SLC7A2: variants seen among roughly 807,000 people sequenced by gnomAD.
The protein encoded by SLC7A2 is solute carrier family 7 member 2.
In SLC7A2, 48 loss-of-function variants were observed where a neutral mutation model predicts 58.9. The ratio of observed to expected loss-of-function variants is 0.82; its 90% CI spans 0.65 to 1.04. The LOEUF is 1.04. Ranked by LOEUF, SLC7A2 falls within the 50% of genes least tolerant of loss-of-function variation. The pLI is 0.00. For missense variants in SLC7A2, 1,029 were observed against 818.8 expected (o/e 1.26, Z -3.13); for synonymous variants, 363 against 314.5 (o/e 1.15, Z -1.63).
chr8:17,547,068 G>T (rs1222967346), intron 4 of SLC7A2, among the ~76,000 whole-genome samples: 1 of 151,938 alleles, frequency 6.6e-6, no homozygotes, highest in African/African-American at 2.4e-5. Context: ...AGAGCTTATG[G>T]CATTAATATA....
At chr8:17,532,803 C>G (rs1397287741) in intron 2 of SLC7A2, among the ~76,000 whole-genome samples, 2 of 152,168 alleles carry the variant, frequency 1.3e-5, no homozygotes, top group Non-Finnish European at 2.9e-5. Flanking sequence ...GCCCTGCAAT[C>G]TAAGCAAAAA....
intron 2 of SLC7A2, among the ~76,000 whole-genome samples, chr8:17,528,366 G>A (rs1186232256): frequency 6.6e-6 from 1 of 152,102 alleles, no homozygotes; most frequent in African/African-American, 2.4e-5. Context: ...GTTTTTCGGT[G>A]TGGCCATTAC....
chr8:17,557,571 C>T (rs953419009), intron 8 of SLC7A2, among the ~76,000 whole-genome samples: 7 of 152,154 alleles, frequency 4.6e-5, no homozygotes, highest in African/African-American at 1.4e-4. Context: ...TGACTCACAC[C>T]TGTAATCCCA....
Position 17,538,850 on chromosome 8 carries a change from A to G in SLC7A2, c.-22-4468A>G, listed in dbSNP as rs745712876. 4 of 1,613,574 alleles carry G rather than the reference A, an allele frequency of 2.5e-6. No individual in the cohort carries two copies. The South Asian group carries it at 4.4e-5, about 18-fold the overall frequency. Reference sequence around the variant, plus strand: ...ATGAAGATAGAAACAAGTGGTTATAACTCAGACAAACTAATTTGTCGAGGG... The same window carrying G: ...ATGAAGATAGAAACAAGTGGTTATAGCTCAGACAAACTAATTTGTCGAGGG... On this transcript the variant is annotated intron_variant, in intron 2 of 12. Coordinates refer to ENST00000494857, the MANE Select transcript of SLC7A2 (RefSeq NM_001370338.1).
At chr8:17,503,338 C>A (rs939358807) in intron 2 of SLC7A2, among the ~76,000 whole-genome samples, 1 of 152,150 alleles carries the variant, frequency 6.6e-6, no homozygotes, top group African/African-American at 2.4e-5. Context: ...GTGTGAGCCA[C>A]CGCGCCCGGC....
At chr8:17,528,146 G>T (rs1165989889) in intron 2 of SLC7A2, among the ~76,000 whole-genome samples, 3 of 152,132 alleles carry the variant, frequency 2.0e-5, no homozygotes, top group Non-Finnish European at 2.9e-5. Flanking sequence ...AGTGGAGGAG[G>T]AGGAAGCAGA....
At chr8:17,520,399 G>C (rs1800966668) in intron 2 of SLC7A2, among the ~76,000 whole-genome samples, 1 of 151,942 alleles carries the variant, frequency 6.6e-6, no homozygotes. Context: ...TCAGCACTTT[G>C]GGAGGCCGAG....
intron 2 of SLC7A2, among the ~76,000 whole-genome samples, chr8:17,521,015 T>G (rs1261437374): frequency 6.6e-6 from 1 of 152,164 alleles, no homozygotes; most frequent in Non-Finnish European, 1.5e-5. Context: ...TGAGATTTCC[T>G]TTAGAAAGAA....
chr8:17,558,949 A>C, intron 9 of SLC7A2, among the ~76,000 whole-genome samples: 1 of 152,180 alleles, frequency 6.6e-6, no homozygotes, highest in East Asian at 1.9e-4. Flanking sequence ...TTAAATAATA[A>C]ATTTTCATGA....
In SLC7A2 at chr8:17,561,800, A is replaced by G. The variant is rs995683886; in HGVS notation, c.1505-144A>G. 4.0e-5 allele frequency: 29 copies of G among 720,140 alleles called. No individual in the cohort carries two copies. The African/African-American group carries it at 4.6e-4, about 11-fold the overall frequency. The allele number at this position is 720,140 out of a possible 1,614,324, so 44.6% of individuals were successfully genotyped here. The stretch of plus-strand genomic sequence containing the variant: ...ACATCTCTCTCCTCAATGAAAAAGA[A>G]GAAAGGGCAAGGCGAAGACTCTTTG... On this transcript the variant is annotated intron_variant, in intron 10 of 12. Coordinates refer to ENST00000494857, the MANE Select transcript of SLC7A2 (RefSeq NM_001370338.1).
At chr8:17,498,090 T>G (rs1800022464) in intron 1 of SLC7A2, among the ~76,000 whole-genome samples, 1 of 152,186 alleles carries the variant, frequency 6.6e-6, no homozygotes, top group Non-Finnish European at 1.5e-5. Flanking sequence ...TGCCTGGATT[T>G]CAAGAGAAAA....
At chr8:17,508,025 T>A (rs1290836383) in intron 2 of SLC7A2, among the ~76,000 whole-genome samples, 1 of 152,218 alleles carries the variant, frequency 6.6e-6, no homozygotes, top group East Asian at 1.9e-4. Flanking sequence ...GTCATTAGGG[T>A]TTCAACCTCA....
At position 17,567,162 on chromosome 8, in the gene SLC7A2, A is replaced by G. The variant is rs1803302841; in HGVS notation, c.*2016A>G. On this transcript the variant is annotated 3_prime_UTR_variant, in exon 13 of 13. Coordinates refer to ENST00000494857, the MANE Select transcript of SLC7A2 (RefSeq NM_001370338.1). The stretch of plus-strand genomic sequence containing the variant: ...TGGTTTACTGGAGAGAAGGAGTTGG[A>G]TAAGCACAGGCTCGGGTATTTTGGT... The G allele has an allele frequency of 6.6e-6, 1 of 152,608 alleles. No individual in the cohort carries two copies. The highest frequency in any genetic ancestry group is 2.4e-5 in the African/African-American group (1 of 41,436). The allele number at this position is 152,608 out of a possible 1,614,324, so 9.5% of individuals were successfully genotyped here.
intron 2 of SLC7A2, among the ~76,000 whole-genome samples, chr8:17,509,506 G>A (rs2720541): frequency 0.57 from 86,438 of 151,586 alleles, 24,767 homozygotes; most frequent in South Asian, 0.6. Context: ...GGGTTTCATC[G>A]TGATGGCTAG....
At chr8:17,505,461 T>G (rs1297602897) in intron 2 of SLC7A2, among the ~76,000 whole-genome samples, 1 of 152,082 alleles carries the variant, frequency 6.6e-6, no homozygotes, top group Non-Finnish European at 1.5e-5. Flanking sequence ...GACAGTAACA[T>G]AGCAATGACC....
chr8:17,522,862 C>T (rs1260476325), intron 2 of SLC7A2, among the ~76,000 whole-genome samples: 1 of 151,928 alleles, frequency 6.6e-6, no homozygotes, highest in African/African-American at 2.4e-5. Context: ...ACAGTGACAC[C>T]CTACCTCTAT....
intron 7 of SLC7A2, 54 bp downstream of exon 7, chr8:17,552,040 A>G: frequency 6.9e-7 from 1 of 1,457,046 alleles, no homozygotes; most frequent in African/African-American, 1.4e-5. Context: ...CAAAGTAGTC[A>G]GTGTCTAAAA....
intron 2 of SLC7A2, among the ~76,000 whole-genome samples, chr8:17,503,796 C>T (rs1323680259): frequency 1.3e-5 from 2 of 152,126 alleles, no homozygotes; most frequent in Non-Finnish European, 2.9e-5. Context: ...TGAAACAATA[C>T]AATTTTATAT....
rs1169488512 is a variant in SLC7A2 at position 17,533,640 on chromosome 8, T to C, written c.-22-9678T>C. The stretch of plus-strand genomic sequence containing the variant: ...AAAGTATTTCTCAGCTCTTCGCTTT[T>C]AGACAAAAAGCTTTCTTATACTCCA... On this transcript the variant is annotated intron_variant, in intron 2 of 12. Coordinates refer to ENST00000494857, the MANE Select transcript of SLC7A2 (RefSeq NM_001370338.1). Among the ~76,000 whole-genome samples, 3 of 152,240 alleles carry C rather than the reference T, an allele frequency of 2.0e-5. No individual in the cohort carries two copies. The East Asian group carries it at 5.8e-4, about 29-fold the overall frequency.
Sources: allele counts gnomAD v4.1 joint callset (sites outside exome capture counted in the v4.1 genomes callset), GRCh38; gene constraint gnomAD v4.1.1; transcripts MANE v1.5; gene names NCBI Gene and HGNC (gene_info 2026-07-23, HGNC 2026-07-21).